The following GRIN3A variants were observed in gnomAD, a reference collection of about 807,000 sequenced individuals.
GRIN3A encodes glutamate ionotropic receptor NMDA type subunit 3A.
In GRIN3A, 47 loss-of-function variants were observed where a neutral mutation model predicts 92.4. The ratio of observed to expected loss-of-function variants is 0.51; its 90% CI spans 0.40 to 0.65. The LOEUF (loss-of-function observed/expected upper bound fraction) is 0.65, where lower values mean the gene tolerates loss of function less well. GRIN3A is among the 30% of genes least tolerant of loss of function. The pLI, the probability that GRIN3A is intolerant of heterozygous loss-of-function variation, is 0.00. For missense variants in GRIN3A, 1,324 were observed against 1,393.1 expected (o/e 0.95, Z 0.79); for synonymous variants, 527 against 540.6 (o/e 0.97, Z 0.35).
intron 4 of GRIN3A, among the ~76,000 whole-genome samples, chr9:101,627,953 C>T (rs1240830536): frequency 1.3e-5 from 2 of 152,186 alleles, no homozygotes; most frequent in East Asian, 3.8e-4. Context: ...CCATTGTATT[C>T]TCAAGTGATG....
chr9:101,693,221 T>C (rs148711653), intron 1 of GRIN3A, among the ~76,000 whole-genome samples: 1,736 of 146,694 alleles, frequency 0.012, 23 homozygotes, highest in Non-Finnish European at 0.018. Context: ...CTGGCTAAGA[T>C]GGTGAAACCC....
At chr9:101,637,521 C>CT (rs1400985289) in intron 3 of GRIN3A, among the ~76,000 whole-genome samples, 2 of 152,172 alleles carry the variant, frequency 1.3e-5, no homozygotes. Flanking sequence ...TTAGTCCATC[C>CT]TTTTATTTTT....
chr9:101,612,464 A>T (rs540575303), intron 6 of GRIN3A, among the ~76,000 whole-genome samples: 1 of 152,346 alleles, frequency 6.6e-6, no homozygotes, highest in African/African-American at 2.4e-5. Context: ...AGAATATTCA[A>T]GTGGAGATGT....
intron 1 of GRIN3A, among the ~76,000 whole-genome samples, chr9:101,720,114 G>GT (rs1336893969): frequency 1.3e-5 from 2 of 152,146 alleles, no homozygotes; most frequent in Non-Finnish European, 2.9e-5. Context: ...AGAAGTTACA[G>GT]TTTGACTGTG....
In GRIN3A at chr9:101,738,048, G is replaced by T; in HGVS notation, c.-69C>A. On this transcript the variant is annotated 5_prime_UTR_variant, in exon 1 of 9. Coordinates refer to ENST00000361820, the MANE Select transcript of GRIN3A (RefSeq NM_133445.3). ...GCTCGCCCCTCTGCAGCCGCTGCCT[G>T]AGGTCTCCGCCTCCAGGTCCCGCGC... 7.5e-7 allele frequency: 1 copy of T among 1,337,052 alleles called. No homozygotes were observed. Among genetic ancestry groups the T allele is most frequent in the Non-Finnish European group, 1.0e-6 (1 of 967,596 alleles). 82.8% of individuals were successfully genotyped at this position (1,337,052 alleles called of 1,614,324 possible).
At chr9:101,685,788 A>G (rs1829526279) in intron 2 of GRIN3A, among the ~76,000 whole-genome samples, 1 of 151,708 alleles carries the variant, frequency 6.6e-6, no homozygotes, top group Non-Finnish European at 1.5e-5. Flanking sequence ...AGTTCTATTA[A>G]TGTATCCTGT....
intron 2 of GRIN3A, among the ~76,000 whole-genome samples, chr9:101,675,097 T>C (rs1829376954): frequency 1.3e-5 from 2 of 152,002 alleles, no homozygotes; most frequent in African/African-American, 2.4e-5. Context: ...CATGGTTTGA[T>C]AAGGGCGTGG....
intron 6 of GRIN3A, among the ~76,000 whole-genome samples, chr9:101,599,885 C>G (rs1008203494): frequency 6.6e-6 from 1 of 152,124 alleles, no homozygotes; most frequent in Non-Finnish European, 1.5e-5. Context: ...TTGCCGGTCA[C>G]CATATTTAAT....
chr9:101,690,807 G>A (rs562964107), intron 1 of GRIN3A, among the ~76,000 whole-genome samples: 2 of 152,158 alleles, frequency 1.3e-5, no homozygotes, highest in Non-Finnish European at 2.9e-5. Flanking sequence ...AAATTACTGT[G>A]TTATAAATTA....
chr9:101,727,250 T>C (rs1307469797), intron 1 of GRIN3A, among the ~76,000 whole-genome samples: 2 of 152,196 alleles, frequency 1.3e-5, no homozygotes, highest in African/African-American at 4.8e-5. Flanking sequence ...ATTTGCGATA[T>C]GAGAAGCGGT....
intron 6 of GRIN3A, among the ~76,000 whole-genome samples, chr9:101,590,709 C>T (rs559091191): frequency 6.6e-6 from 1 of 152,222 alleles, no homozygotes; most frequent in African/African-American, 2.4e-5. Flanking sequence ...TCCGAGCCTC[C>T]TCCTGTTCAA....
intron 6 of GRIN3A, chr9:101,594,215 A>C: frequency 2.3e-4 from 137 of 608,262 alleles, no homozygotes; most frequent in Middle Eastern, 4.4e-4. Context: ...TTCCCCCTAT[A>C]GGGTACCCTG....
At chr9:101,671,643 A>G (rs1407674778) in intron 2 of GRIN3A, among the ~76,000 whole-genome samples, 1 of 152,188 alleles carries the variant, frequency 6.6e-6, no homozygotes, top group Non-Finnish European at 1.5e-5. Flanking sequence ...AAAATAGCCA[A>G]ATCTTGTTAC....
intron 1 of GRIN3A, among the ~76,000 whole-genome samples, chr9:101,700,038 A>G (rs554709242): frequency 2.0e-3 from 308 of 152,164 alleles, no homozygotes; most frequent in Non-Finnish European, 3.5e-3. Context: ...GTCTCTCTTC[A>G]TCTTCTGCCC....
At chr9:101,710,731 T>G (rs1021477597) in intron 1 of GRIN3A, among the ~76,000 whole-genome samples, 1 of 152,220 alleles carries the variant, frequency 6.6e-6, no homozygotes, top group Non-Finnish European at 1.5e-5. Flanking sequence ...CATTATGTGG[T>G]ACAGAGTTGA....
At chr9:101,680,648 A>G (rs1006200254) in intron 2 of GRIN3A, among the ~76,000 whole-genome samples, 1 of 152,204 alleles carries the variant, frequency 6.6e-6, no homozygotes, top group African/African-American at 2.4e-5. Flanking sequence ...AGGAAAATGG[A>G]TAAAACTATG....
At chr9:101,597,940 G>A (rs1828160988) in intron 6 of GRIN3A, among the ~76,000 whole-genome samples, 1 of 152,072 alleles carries the variant, frequency 6.6e-6, no homozygotes. Context: ...ATAGTGTTTT[G>A]ATATCTTATG....
Position 101,701,363 on chromosome 9 carries a change from C to T in GRIN3A, c.700-14163G>A, listed in dbSNP as rs78875786. 3.0e-3 allele frequency among the ~76,000 whole-genome samples: 458 copies of T among 152,274 alleles called. 2 individuals are homozygous for T. Among genetic ancestry groups the T allele is most frequent in the African/African-American group, 0.01 (432 of 41,544 alleles). Reference sequence around the variant, plus strand: ...CCCATTAGTTGTTTATCCTGATCTTCTCCCTCCTCCCACCCTCCAGTAGGC... The same window carrying T: ...CCCATTAGTTGTTTATCCTGATCTTTTCCCTCCTCCCACCCTCCAGTAGGC... On this transcript the variant is annotated intron_variant, in intron 1 of 8. Coordinates refer to ENST00000361820, the MANE Select transcript of GRIN3A (RefSeq NM_133445.3).
At chr9:101,624,040 C>T (rs2118871422) in intron 4 of GRIN3A, among the ~76,000 whole-genome samples, 1 of 152,248 alleles carries the variant, frequency 6.6e-6, no homozygotes, top group African/African-American at 2.4e-5. Flanking sequence ...TCAGCCACTT[C>T]CAATTCTTTT....
Sources: gnomAD v4.1 joint callset for allele counts (sites outside exome capture counted in the v4.1 genomes callset) on GRCh38, gnomAD v4.1.1 for gene constraint, MANE v1.5 for transcripts, NCBI Gene and HGNC (gene_info 2026-07-23, HGNC 2026-07-21) for gene names.